The following OSTN variants were observed in gnomAD, a reference collection of about 807,000 sequenced individuals.
OSTN encodes osteocrin.
OSTN carries 9 observed loss-of-function variants against 12.0 expected under a neutral mutation model. That is an observed-to-expected ratio of 0.75 (90% CI 0.45 to 1.30). The LOEUF (loss-of-function observed/expected upper bound fraction) is 1.30, where lower values mean the gene tolerates loss of function less well. OSTN is among the 50% of genes most tolerant of loss of function. OSTN has a pLI of 0.00. For missense variants in OSTN, 148 were observed against 152.3 expected (o/e 0.97, Z 0.15); for synonymous variants, 59 against 56.9 (o/e 1.04, Z -0.16).
chr3:191,233,838 A>G (rs909317042), intron 3 of OSTN, among the ~76,000 whole-genome samples: 3 of 152,116 alleles, frequency 2.0e-5, no homozygotes, highest in Non-Finnish European at 4.4e-5. Flanking sequence ...TACTAAAAAT[A>G]CAAAATTTGC....
intron 3 of OSTN, among the ~76,000 whole-genome samples, chr3:191,228,562 T>C (rs1714970533): frequency 6.6e-6 from 1 of 152,226 alleles, no homozygotes; most frequent in East Asian, 1.9e-4. Context: ...AGATCAACTG[T>C]ATTTTTACTA....
chr3:191,212,699 G>C (rs1415763213), intron 2 of OSTN, 65 bp downstream of exon 2: 1 of 536,854 alleles, frequency 1.9e-6, no homozygotes, highest in Admixed American at 4.4e-5. Flanking sequence ...TGACATGTTT[G>C]TATATAAAAG....
At chr3:191,232,710 C>A (rs1715092419) in intron 3 of OSTN, among the ~76,000 whole-genome samples, 1 of 151,310 alleles carries the variant, frequency 6.6e-6, no homozygotes, top group Non-Finnish European at 1.5e-5. Context: ...AAGTGATTCT[C>A]CTGCCTCAGC....
intron 3 of OSTN, among the ~76,000 whole-genome samples, chr3:191,231,206 G>T (rs1390051295): frequency 1.3e-5 from 2 of 151,930 alleles, no homozygotes; most frequent in African/African-American, 2.4e-5. Context: ...AATAGTTATT[G>T]CATAAAATAT....
intron 4 of OSTN, among the ~76,000 whole-genome samples, chr3:191,257,752 A>T (rs1330269615): frequency 2.0e-5 from 3 of 152,014 alleles, no homozygotes; most frequent in Admixed American, 2.0e-4. Context: ...TTATTTTACC[A>T]ATAATTTTAA....
intron 2 of OSTN, among the ~76,000 whole-genome samples, chr3:191,214,302 G>T (rs141691811): frequency 7.9e-5 from 12 of 152,022 alleles, no homozygotes; most frequent in African/African-American, 1.9e-4. Context: ...CCAAAAATTA[G>T]CTGGGGGTAG....
At chr3:191,210,510 C>T (rs185611887) in intron 1 of OSTN, among the ~76,000 whole-genome samples, 65 of 152,270 alleles carry the variant, frequency 4.3e-4, no homozygotes, top group African/African-American at 1.5e-3. Flanking sequence ...AAGGGGTATG[C>T]ATGAATCGAT....
chr3:191,232,978 G>T (rs187702112), intron 3 of OSTN, among the ~76,000 whole-genome samples: 2 of 151,980 alleles, frequency 1.3e-5, no homozygotes, highest in Admixed American at 6.6e-5. Context: ...CCATCTACAC[G>T]TATAGGCCCC....
intron 4 of OSTN, among the ~76,000 whole-genome samples, chr3:191,261,771 T>C (rs1436721785): frequency 6.6e-6 from 1 of 152,252 alleles, no homozygotes; most frequent in African/African-American, 2.4e-5. Flanking sequence ...TAATATATTG[T>C]ACCAAAGTTT....
At chr3:191,229,496 A>G (rs1714996619) in intron 3 of OSTN, among the ~76,000 whole-genome samples, 1 of 152,206 alleles carries the variant, frequency 6.6e-6, no homozygotes, top group African/African-American at 2.4e-5. Context: ...ATAAATTGAT[A>G]ATTATTGACT....
rs1715904173 is a variant in OSTN at position 191,265,535 on chromosome 3, T to C, written c.*2682T>C. 1 of 152,208 alleles carries C rather than the reference T, an allele frequency of 6.6e-6. No individual in the cohort carries two copies. The highest frequency in any genetic ancestry group is 1.5e-5 in the Non-Finnish European group (1 of 68,034). The allele number at this position is 152,208 out of a possible 1,614,324, so 9.4% of individuals were successfully genotyped here. ...AAAGTATAAAAAGCTTTCTGAATGA[T>C]ATTACCCCTTATACCTAAAGGCTCA... On this transcript the variant is annotated 3_prime_UTR_variant, in exon 5 of 5. Coordinates refer to ENST00000682035, the MANE Select transcript of OSTN (RefSeq NM_198184.2).
intron 3 of OSTN, among the ~76,000 whole-genome samples, chr3:191,236,687 A>G (rs1013328542): frequency 2.6e-5 from 4 of 152,140 alleles, no homozygotes; most frequent in African/African-American, 7.2e-5. Flanking sequence ...TTAAACTAAG[A>G]ATACTTTTGT....
At chr3:191,229,549 T>C (rs938227643) in intron 3 of OSTN, among the ~76,000 whole-genome samples, 1 of 152,224 alleles carries the variant, frequency 6.6e-6, no homozygotes, top group Admixed American at 6.5e-5. Flanking sequence ...TATTCTATTT[T>C]GTCATATGTC....
At chr3:191,231,641 T>C (rs1715058662) in intron 3 of OSTN, among the ~76,000 whole-genome samples, 1 of 152,150 alleles carries the variant, frequency 6.6e-6, no homozygotes, top group Non-Finnish European at 1.5e-5. Flanking sequence ...ACTTCATGAG[T>C]TTCTTATAAA....
chr3:191,241,078 G>A (rs1715305909), intron 3 of OSTN, among the ~76,000 whole-genome samples: 1 of 149,422 alleles, frequency 6.7e-6, no homozygotes, highest in African/African-American at 2.4e-5. Context: ...CTAAATTACT[G>A]AACTATTTGA....
intron 3 of OSTN, among the ~76,000 whole-genome samples, chr3:191,235,473 T>A (rs1000525804): frequency 6.6e-6 from 1 of 152,166 alleles, no homozygotes; most frequent in African/African-American, 2.4e-5. Flanking sequence ...TAAAACAAAG[T>A]CTTACTTGAC....
chr3:191,206,556 T>G (rs1319137816), intron 1 of OSTN, among the ~76,000 whole-genome samples: 2 of 152,224 alleles, frequency 1.3e-5, no homozygotes, highest in Non-Finnish European at 2.9e-5. Context: ...TGCACTATTC[T>G]CATTACCTAC....
At chr3:191,201,249 C>T (rs1312850889) in intron 1 of OSTN, among the ~76,000 whole-genome samples, 1 of 152,082 alleles carries the variant, frequency 6.6e-6, no homozygotes, top group Admixed American at 6.6e-5. Flanking sequence ...AGTAACAATG[C>T]CTCTGCCACC....
At chr3:191,255,682 C>T (rs906996291) in intron 4 of OSTN, among the ~76,000 whole-genome samples, 1 of 151,358 alleles carries the variant, frequency 6.6e-6, no homozygotes. Context: ...ATGCTTTATC[C>T]AATCTGTTGT....
Sources: allele counts gnomAD v4.1 joint callset (sites outside exome capture counted in the v4.1 genomes callset), GRCh38; gene constraint gnomAD v4.1.1; transcripts MANE v1.5; gene names NCBI Gene and HGNC (gene_info 2026-07-23, HGNC 2026-07-21).